Variants in CRB1 observed in about 807,000 individuals in gnomAD.
CRB1 encodes protein crumbs homolog 1.
CRB1 carries 83 observed loss-of-function variants against 120.0 expected under a neutral mutation model. That is an observed-to-expected ratio of 0.69 (90% CI 0.58 to 0.83). The LOEUF is 0.83. CRB1 is among the 40% of genes least tolerant of loss of function. The probability of loss-of-function intolerance (pLI) is 0.00; values close to 1 mark genes in which losing one functional copy is unlikely to be tolerated. For synonymous variants in CRB1, 625 were observed against 612.5 expected, an observed-to-expected ratio of 1.02 and a Z score of -0.30; for missense variants, 1,699 against 1,687.6, an observed-to-expected ratio of 1.01 and a Z score of -0.12.
At chr1:197,211,373 A>G in the CRB1 span, among the ~76,000 whole-genome samples, 181 of 152,352 alleles carry the variant, frequency 1.2e-3, no homozygotes, top group Non-Finnish European at 1.9e-3. Context: ...GTAATAAGAC[A>G]TCACAGATTG....
intron 5 of CRB1, among the ~76,000 whole-genome samples, chr1:197,384,833 T>G (rs183692341): frequency 6.6e-6 from 1 of 152,264 alleles, no homozygotes; most frequent in East Asian, 1.9e-4. Flanking sequence ...CCGTAGTCAG[T>G]GCTTTAGAAA....
Position 197,268,358 on chromosome 1 carries a change from C to T in CRB1, c.-55C>T, listed in dbSNP as rs965921500. 15 of 1,324,356 alleles carry T rather than the reference C, an allele frequency of 1.1e-5. No individual in the cohort carries two copies. The East Asian group carries it at 1.4e-4, about 12-fold the overall frequency. The allele number at this position is 1,324,356 out of a possible 1,614,324, so 82.0% of individuals were successfully genotyped here. A position where few individuals can be genotyped will look rare whatever the true frequency, so the allele number is the denominator to read the frequency against. ...TCTGAGACAGACAGGGATCAGGAGC[C>T]GGACTGGGACCAGACCACCAGCAAC... is the stretch of plus-strand genomic sequence containing the variant. On this transcript the variant is annotated 5_prime_UTR_variant, in exon 1 of 12. Coordinates refer to ENST00000367400, the MANE Select transcript of CRB1 (RefSeq NM_201253.3).
chr1:197,252,582 A>ATATGTGTG, the CRB1 span, among the ~76,000 whole-genome samples: 75 of 15,470 alleles, frequency 4.8e-3, 1 homozygote, highest in Admixed American at 6.9e-3. Context: ...ATATATATAT[A>ATATGTGTG]TGTGTGTGTG....
At chr1:197,428,035 G>T (rs764759994) in intron 7 of CRB1, 34 bp downstream of exon 7, 2 of 1,581,884 alleles carry the variant, frequency 1.3e-6, no homozygotes, top group Non-Finnish European at 8.7e-7. Flanking sequence ...GGTATATACT[G>T]TATGCTAAAC....
chr1:197,217,097 A>G, the CRB1 span, among the ~76,000 whole-genome samples: 1 of 152,170 alleles, frequency 6.6e-6, no homozygotes, highest in African/African-American at 2.4e-5. Flanking sequence ...TATTTTTCCA[A>G]AGACATATGA....
chr1:197,347,525 A>G (rs913299005), intron 4 of CRB1, 46 bp downstream of exon 4: 1 of 1,583,896 alleles, frequency 6.3e-7, no homozygotes, highest in Non-Finnish European at 8.7e-7. Flanking sequence ...ATTTGTTTAG[A>G]ATACACATAT....
At chr1:197,428,087 G>A in intron 7 of CRB1, 86 bp downstream of exon 7, 7 of 1,239,414 alleles carry the variant, frequency 5.6e-6, no homozygotes, top group South Asian at 1.3e-5. Flanking sequence ...ACCATTCTTT[G>A]TATATAAAGA....
At chr1:197,239,023 A>G in the CRB1 span, among the ~76,000 whole-genome samples, 4 of 146,082 alleles carry the variant, frequency 2.7e-5, no homozygotes, top group Admixed American at 1.4e-4. Flanking sequence ...GGATAGATGC[A>G]TCTCTTACTT....
At chr1:197,257,806 A>C in the CRB1 span, among the ~76,000 whole-genome samples, 1 of 152,058 alleles carries the variant, frequency 6.6e-6, no homozygotes, top group South Asian at 2.1e-4. Flanking sequence ...CCCTCCACCT[A>C]TTACTTATCC....
intron 4 of CRB1, among the ~76,000 whole-genome samples, chr1:197,351,507 C>T (rs557495507): frequency 3.3e-5 from 5 of 152,128 alleles, no homozygotes; most frequent in African/African-American, 9.6e-5. Context: ...GGGAGCAGGA[C>T]TAAAGCCAGA....
intron 11 of CRB1, among the ~76,000 whole-genome samples, chr1:197,445,549 C>A (rs555713118): frequency 6.6e-6 from 1 of 152,120 alleles, no homozygotes; most frequent in African/African-American, 2.4e-5. Flanking sequence ...ATCTTTTTAT[C>A]TTCCAAATTC....
At chr1:197,365,461 C>G (rs1358899893) in intron 5 of CRB1, among the ~76,000 whole-genome samples, 2 of 151,988 alleles carry the variant, frequency 1.3e-5, no homozygotes, top group Admixed American at 6.6e-5. Flanking sequence ...TAGCATAATT[C>G]CTTTTGCCAT....
At chr1:197,225,384 T>C in the CRB1 span, among the ~76,000 whole-genome samples, 1 of 152,252 alleles carries the variant, frequency 6.6e-6, no homozygotes, top group East Asian at 1.9e-4. Flanking sequence ...ATAGAACTTC[T>C]TTAATTATGA....
chr1:197,304,911 C>T (rs1427525425), intron 1 of CRB1, among the ~76,000 whole-genome samples: 3 of 152,174 alleles, frequency 2.0e-5, no homozygotes, highest in African/African-American at 4.8e-5. Context: ...CAGTCCTAAT[C>T]CTTGGATCAT....
chr1:197,345,177 T>C (rs1023786381), intron 3 of CRB1, among the ~76,000 whole-genome samples: 4 of 152,204 alleles, frequency 2.6e-5, no homozygotes, highest in Non-Finnish European at 5.9e-5. Context: ...AATCTTTATT[T>C]AAGCCACGAT....
intron 4 of CRB1, among the ~76,000 whole-genome samples, chr1:197,351,346 C>G (rs1453022839): frequency 9.2e-6 from 1 of 108,532 alleles, no homozygotes; most frequent in Admixed American, 1.4e-4. Flanking sequence ...TACTCCAGGG[C>G]GAGAGGGTGA....
intron 5 of CRB1, among the ~76,000 whole-genome samples, chr1:197,381,398 G>A (rs1382149697): frequency 6.6e-6 from 1 of 152,134 alleles, no homozygotes; most frequent in Non-Finnish European, 1.5e-5. Context: ...TAATAAACAT[G>A]CAGACATAAT....
At chr1:197,274,850 T>C (rs769572502) in intron 1 of CRB1, among the ~76,000 whole-genome samples, 51 of 152,084 alleles carry the variant, frequency 3.4e-4, no homozygotes, top group Admixed American at 1.6e-3. Flanking sequence ...GACAACTTTG[T>C]TACTTTCAGT....
At chr1:197,315,555 C>A (rs1443324802) in intron 1 of CRB1, among the ~76,000 whole-genome samples, 1 of 152,200 alleles carries the variant, frequency 6.6e-6, no homozygotes, top group African/African-American at 2.4e-5. Context: ...CCAGAAACAA[C>A]ATCTAATTTT....
Sources: gnomAD v4.1 joint callset for allele counts (sites outside exome capture counted in the v4.1 genomes callset) on GRCh38, gnomAD v4.1.1 for gene constraint, MANE v1.5 for transcripts, NCBI Gene and HGNC (gene_info 2026-07-23, HGNC 2026-07-21) for gene names.